The following TXNRD2 variants were observed in gnomAD, a reference collection of about 807,000 sequenced individuals.
The protein encoded by TXNRD2 is thioredoxin reductase 2, mitochondrial.
In TXNRD2, 67 loss-of-function variants were observed where a neutral mutation model predicts 70.8. That is an observed-to-expected ratio of 0.95 (90% CI 0.78 to 1.16). The LOEUF is 1.16. Among genes scored for constraint, TXNRD2 ranks in the 50% most tolerant of loss-of-function variants. TXNRD2 has a pLI of 0.00. For synonymous variants in TXNRD2, 301 were observed against 295.8 expected (o/e 1.02, Z -0.18); for missense variants, 644 against 719.9 (o/e 0.89, Z 1.21).
intron 10 of TXNRD2, among the ~76,000 whole-genome samples, chr22:19,896,781 C>T (rs1195712923): frequency 6.6e-6 from 1 of 152,240 alleles, no homozygotes; most frequent in Non-Finnish European, 1.5e-5. Context: ...GGTGTGCCAG[C>T]TGGCTCTAGA....
chr22:19,878,768 T>G (rs147004956), intron 14 of TXNRD2, among the ~76,000 whole-genome samples: 57 of 152,274 alleles, frequency 3.7e-4, no homozygotes, highest in African/African-American at 1.3e-3. Flanking sequence ...TGGGTGGACG[T>G]AGCTCACCCA....
chr22:19,918,279 G>A lies in TXNRD2; in HGVS notation c.375-62C>T, dbSNP rs756661. ...ACAGGTGTTAGCTGCAGGGCCTCAC[G>A]ATGGACTATTAGATTCAAATGGTAC... On this transcript the variant is annotated intron_variant, in intron 4 of 17. Coordinates refer to ENST00000400521, the MANE Select transcript of TXNRD2 (RefSeq NM_006440.5). The A allele has an allele frequency of 0.6, 834,507 of 1,383,662 alleles. 257,704 individuals are homozygous for A. Among genetic ancestry groups the A allele is most frequent in the East Asian group, 0.91 (40,016 of 43,812 alleles). 85.7% of individuals were successfully genotyped at this position (1,383,662 alleles called of 1,614,324 possible). A position where few individuals can be genotyped will look rare whatever the true frequency, so the allele number is the denominator to read the frequency against.
chr22:19,921,137 A>T (rs1275824543), intron 2 of TXNRD2, among the ~76,000 whole-genome samples: 3 of 143,814 alleles, frequency 2.1e-5, no homozygotes, highest in East Asian at 3.9e-4. Flanking sequence ...AATGTCCACA[A>T]GGCACAGTGG....
At chr22:19,907,844 G>GGT (rs1332371743) in intron 8 of TXNRD2, among the ~76,000 whole-genome samples, 1 of 46,188 alleles carries the variant, frequency 2.2e-5, no homozygotes, top group Admixed American at 3.2e-4. Flanking sequence ...GGAGAGTGTG[G>GGT]GCGCCATGGG....
intron 5 of TXNRD2, among the ~76,000 whole-genome samples, chr22:19,917,223 G>A (rs1940678005): frequency 6.6e-6 from 1 of 152,222 alleles, no homozygotes; most frequent in Non-Finnish European, 1.5e-5. Context: ...TGCCCGTCCA[G>A]GAGCTGCCCA....
intron 8 of TXNRD2, 117 bp from the exon 9 acceptor site, chr22:19,899,185 G>A: frequency 5.9e-6 from 8 of 1,347,724 alleles, no homozygotes; most frequent in Non-Finnish European, 8.3e-6. Context: ...TGGGCTCCAA[G>A]GTTACTGTTC....
intron 14 of TXNRD2, 59 bp from the exon 15 acceptor site, chr22:19,878,496 G>A: frequency 6.8e-7 from 1 of 1,480,354 alleles, no homozygotes; most frequent in Non-Finnish European, 9.4e-7. Flanking sequence ...CGTGGCACCT[G>A]CAGCTCCCAC....
chr22:19,879,865 G>T (rs1287894476), intron 14 of TXNRD2, among the ~76,000 whole-genome samples: 1 of 152,142 alleles, frequency 6.6e-6, no homozygotes, highest in Non-Finnish European at 1.5e-5. Context: ...CTGGGGTGGG[G>T]CTGGGGGCTT....
Position 19,880,651 on chromosome 22 carries a change from C to T in TXNRD2, c.1153G>A (p.Gly385Arg), listed in dbSNP as rs528059873. 1.9e-5 allele frequency: 31 copies of T among 1,613,390 alleles called. No homozygotes were observed. In the South Asian group the frequency reaches 2.6e-4, roughly 14 times the overall value. Residue 385 changes from glycine to arginine, a missense_variant, in exon 13 of 18, where the codon GGG becomes AGG. Transcript: ENST00000400521. The stretch of plus-strand genomic sequence containing the variant: ...TCGTAGTCCATCAGATCTGAGGACC[C>T]GCCGAAGAGCCGCTGCACCAGGAGC... ...GRLLVQRLFG[G>R]SSDLMDYDNV...
chr22:19,939,707 T>C (rs1457084510), intron 1 of TXNRD2, among the ~76,000 whole-genome samples: 2 of 152,178 alleles, frequency 1.3e-5, no homozygotes, highest in Non-Finnish European at 2.9e-5. Flanking sequence ...TGCACCTGGT[T>C]GTATCCATCT....
intron 8 of TXNRD2, among the ~76,000 whole-genome samples, chr22:19,899,382 C>A (rs190794527): frequency 7.9e-5 from 12 of 152,370 alleles, no homozygotes; most frequent in Admixed American, 7.2e-4. Flanking sequence ...CTTCTCTCCC[C>A]CCGGGGCCTC....
intron 1 of TXNRD2, chr22:19,938,035 C>G (rs921324251): frequency 6.6e-6 from 1 of 152,250 alleles, no homozygotes; most frequent in African/African-American, 2.4e-5. Context: ...CAATGCTTGT[C>G]TACCTCCACA....
intron 1 of TXNRD2, among the ~76,000 whole-genome samples, chr22:19,941,250 G>T (rs1941702094): frequency 1.3e-5 from 2 of 152,182 alleles, no homozygotes; most frequent in South Asian, 4.1e-4. Flanking sequence ...TCCTGATTTA[G>T]TTAACTGTTC....
chr22:19,881,226 T>C (rs1002778796), intron 12 of TXNRD2: 13 of 400,968 alleles, frequency 3.2e-5, no homozygotes, highest in Non-Finnish European at 5.7e-5. Flanking sequence ...CGTCCCAGGG[T>C]GTGCCCAGCC....
chr22:19,892,761 C>T (rs552248235), intron 11 of TXNRD2, among the ~76,000 whole-genome samples: 2 of 152,242 alleles, frequency 1.3e-5, no homozygotes, highest in South Asian at 4.1e-4. Flanking sequence ...AACTCGCCAC[C>T]TCCCCTTTAG....
chr22:19,904,707 T>C (rs573077171), intron 8 of TXNRD2, among the ~76,000 whole-genome samples: 3 of 152,040 alleles, frequency 2.0e-5, no homozygotes, highest in Non-Finnish European at 4.4e-5. Context: ...ACCGAGGGCC[T>C]GGGGCCAGGG....
At chr22:19,931,172 T>C in intron 1 of TXNRD2, 74 bp from the exon 2 acceptor site, 1 of 1,371,452 alleles carries the variant, frequency 7.3e-7, no homozygotes, top group Non-Finnish European at 1.0e-6. Flanking sequence ...TTTATCAGGA[T>C]TGGACACTCC....
At chr22:19,880,038 C>T (rs1191040297) in intron 14 of TXNRD2, 141 bp downstream of exon 14, 2 of 888,158 alleles carry the variant, frequency 2.3e-6, no homozygotes, top group East Asian at 5.3e-5. Flanking sequence ...CCAACGTGTC[C>T]CTTCCCGCTA....
At position 19,919,536 on chromosome 22, in the gene TXNRD2, TG is replaced by T. The variant is rs1940803510; in HGVS notation, c.229+6del. ...AGGACACCCGGCTCCCATAGGGTGCTGCCTACCTTGGGGAGAAGGTTCCACG... is the reference window on the plus strand; with the variant it reads ...AGGACACCCGGCTCCCATAGGGTGCTCCTACCTTGGGGAGAAGGTTCCACG... On this transcript the variant is annotated splice_donor_region_variant and intron_variant, in intron 3 of 17. Coordinates refer to ENST00000400521, the MANE Select transcript of TXNRD2 (RefSeq NM_006440.5). 1.3e-6 allele frequency: 2 copies of T among 1,557,736 alleles called. No homozygotes were observed. Among genetic ancestry groups the T allele is most frequent in the Admixed American group, 3.9e-5 (2 of 51,580 alleles).
Sources: gnomAD v4.1 joint callset for allele counts (sites outside exome capture counted in the v4.1 genomes callset) on GRCh38, gnomAD v4.1.1 for gene constraint, MANE v1.5 for transcripts, NCBI Gene and HGNC (gene_info 2026-07-23, HGNC 2026-07-21) for gene names.